Variants in VPS13A observed in about 807,000 individuals in gnomAD.
VPS13A encodes intermembrane lipid transfer protein VPS13A.
A neutral mutation model predicts 390.9 loss-of-function variants in VPS13A; 264 were observed. That is an observed-to-expected ratio of 0.68 (90% CI 0.61 to 0.75). The LOEUF (loss-of-function observed/expected upper bound fraction) is 0.75, where lower values mean the gene tolerates loss of function less well. Among genes scored for constraint, VPS13A ranks in the 30% least tolerant of loss-of-function variants. The probability of loss-of-function intolerance (pLI) is 0.00; values close to 1 mark genes in which losing one functional copy is unlikely to be tolerated. For missense variants in VPS13A, 3,409 were observed against 3,733.9 expected, an observed-to-expected ratio of 0.91 and a Z score of 2.27; for synonymous variants, 1,231 against 1,227.1, an observed-to-expected ratio of 1.00 and a Z score of -0.07.
chr9:77,250,316 T>C lies in VPS13A; in HGVS notation c.2170+87T>C, dbSNP rs547573521. On this transcript the variant is annotated intron_variant, in intron 21 of 71. Transcript: ENST00000360280. ...ACACTTTGAAGACCTTCCTCTTAAA[T>C]GTGTTAGAACGTCTATATTTTTGAA... 438 of 1,459,204 alleles carry C rather than the reference T, an allele frequency of 3.0e-4. 6 individuals are homozygous for C. In the South Asian group the frequency reaches 4.7e-3, roughly 16 times the overall value. The allele number at this position is 1,459,204 out of a possible 1,614,324, so 90.4% of individuals were successfully genotyped here.
rs1431815350 is a variant in VPS13A at position 77,191,350 on chromosome 9, G to A, written c.101-8595G>A. Among the ~76,000 whole-genome samples the A allele has an allele frequency of 1.5e-4, 23 of 149,016 alleles. 1 individual carries two copies. The highest frequency in any genetic ancestry group is 6.8e-3 in the Middle Eastern group (2 of 292). ...GCCCTGTTGCCGAGGCTGAAGTGGAGTGGCATGAACACGGCTCACTGCAGC... is the reference window on the plus strand; with the variant it reads ...GCCCTGTTGCCGAGGCTGAAGTGGAATGGCATGAACACGGCTCACTGCAGC... On this transcript the variant is annotated intron_variant, in intron 1 of 71. Transcript: ENST00000360280.
chr9:77,297,071 T>G (rs1037661546), intron 33 of VPS13A, among the ~76,000 whole-genome samples: 4 of 152,032 alleles, frequency 2.6e-5, no homozygotes, highest in Non-Finnish European at 5.9e-5. Flanking sequence ...TCTTAAGCAG[T>G]TTTTGGTTTT....
chr9:77,202,048 T>G (rs1262403775), intron 3 of VPS13A, among the ~76,000 whole-genome samples: 1 of 152,156 alleles, frequency 6.6e-6, no homozygotes, highest in Non-Finnish European at 1.5e-5. Context: ...TGGAGATATT[T>G]TTGTTATATA....
intron 52 of VPS13A, among the ~76,000 whole-genome samples, chr9:77,345,417 CAG>C (rs1178111611): frequency 6.6e-6 from 1 of 152,100 alleles, no homozygotes; most frequent in Non-Finnish European, 1.5e-5. Flanking sequence ...AGGAGTCTGT[CAG>C]AGTTTGTTAG....
At chr9:77,184,602 G>C (rs1449763768) in intron 1 of VPS13A, among the ~76,000 whole-genome samples, 1 of 152,204 alleles carries the variant, frequency 6.6e-6, no homozygotes, top group Non-Finnish European at 1.5e-5. Flanking sequence ...CTAGGTGACA[G>C]AGCAAGACTC....
intron 23 of VPS13A, among the ~76,000 whole-genome samples, chr9:77,267,562 C>T (rs1422817665): frequency 1.3e-5 from 2 of 152,182 alleles, no homozygotes; most frequent in Non-Finnish European, 2.9e-5. Context: ...GGGGCACATG[C>T]CAGATGCCAG....
chr9:77,211,614 G>A (rs964985594), intron 7 of VPS13A: 4 of 151,744 alleles, frequency 2.6e-5, no homozygotes, highest in Non-Finnish European at 4.4e-5. Flanking sequence ...CCACTGCAAC[G>A]AAAAAAGAAA....
In VPS13A at chr9:77,200,025, C is replaced by A. The variant is rs963255421; in HGVS notation, c.144+37C>A. On this transcript the variant is annotated intron_variant, in intron 2 of 71. Coordinates refer to ENST00000360280, the MANE Select transcript of VPS13A (RefSeq NM_033305.3). ...CTATGAAAAATTTGTAAAGTTATTG[C>A]ATTTAATTATGTATAATTCTTCCTG... is the stretch of plus-strand genomic sequence containing the variant. 5.3e-6 allele frequency: 8 copies of A among 1,504,348 alleles called. No individual in the cohort carries two copies. The African/African-American group carries it at 8.3e-5, about 16-fold the overall frequency. The allele number at this position is 1,504,348 out of a possible 1,614,324, so 93.2% of individuals were successfully genotyped here. A position where few individuals can be genotyped will look rare whatever the true frequency, so the allele number is the denominator to read the frequency against.
At chr9:77,345,386 T>C (rs1373484953) in intron 52 of VPS13A, among the ~76,000 whole-genome samples, 1 of 152,178 alleles carries the variant, frequency 6.6e-6, no homozygotes, top group Non-Finnish European at 1.5e-5. Flanking sequence ...GGCAAAAGCT[T>C]GTTCATTGTT....
intron 45 of VPS13A, among the ~76,000 whole-genome samples, chr9:77,328,435 C>T (rs80080411): frequency 5.4e-4 from 82 of 152,270 alleles, no homozygotes; most frequent in Non-Finnish European, 1.0e-3. Context: ...CTTCATTATC[C>T]CTTTAAGAAG....
chr9:77,178,111 C>T lies in VPS13A; in HGVS notation c.100+307C>T, dbSNP rs958690000. On this transcript the variant is annotated intron_variant, in intron 1 of 71. Coordinates refer to ENST00000360280, the MANE Select transcript of VPS13A (RefSeq NM_033305.3). ...CTGGCGTTCAAGTCCCGGCGAGGGG[C>T]CGTTCTCTACCCCTGGCCCCGCACG... 3 of 354,820 alleles carry T rather than the reference C, an allele frequency of 8.5e-6. No individual in the cohort carries two copies. The East Asian group carries it at 2.3e-4, about 28-fold the overall frequency. The allele number at this position is 354,820 out of a possible 1,614,324, so 22.0% of individuals were successfully genotyped here. A position where few individuals can be genotyped will look rare whatever the true frequency, so the allele number is the denominator to read the frequency against.
Position 77,416,256 on chromosome 9 carries a change from T to G in VPS13A, c.*250T>G, listed in dbSNP as rs1409290942. 2.4e-6 allele frequency: 1 copy of G among 410,560 alleles called. No homozygotes were observed. Among genetic ancestry groups the G allele is most frequent in the Non-Finnish European group, 4.5e-6 (1 of 223,048 alleles). 25.4% of individuals were successfully genotyped at this position (410,560 alleles called of 1,614,324 possible). A position where few individuals can be genotyped will look rare whatever the true frequency, so the allele number is the denominator to read the frequency against. ...TTTCTAAATTGAATCATGCATCTAT[T>G]TATAATTCTAATTATTTTGTAAAAG... On this transcript the variant is annotated 3_prime_UTR_variant, in exon 72 of 72. Transcript: ENST00000360280.
intron 33 of VPS13A, among the ~76,000 whole-genome samples, chr9:77,297,693 G>A (rs1828098284): frequency 6.6e-6 from 1 of 151,592 alleles, no homozygotes; most frequent in African/African-American, 2.4e-5. Flanking sequence ...ATCTATCCCA[G>A]GCATTGTGCT....
Position 77,370,426 on chromosome 9 carries a change from G to A in VPS13A, c.8755G>A (p.Gly2919Ser), listed in dbSNP as rs1832684845. The change falls in exon 65 of 72, where the codon GGT becomes AGT. Residue 2919 changes from glycine to serine, a missense_variant. By Grantham distance (56) the Gly-to-Ser change is moderately conservative. Transcript: ENST00000360280. ...ATAATTTCTGTCAGGTGGATTGGCTGGTGCTGCCTCCAAAATCACCGGTGC... is the reference window on the plus strand; with the variant it reads ...ATAATTTCTGTCAGGTGGATTGGCTAGTGCTGCCTCCAAAATCACCGGTGC... Reference protein sequence around the residue: ...LVGGAVGGLAGAASKITGAMA... With the variant: ...LVGGAVGGLASAASKITGAMA... 2 of 1,614,032 alleles carry A rather than the reference G, an allele frequency of 1.2e-6. No individual in the cohort carries two copies. The highest frequency in any genetic ancestry group is 2.7e-5 in the African/African-American group (2 of 74,930).
chr9:77,394,728 T>C (rs113346504), intron 68 of VPS13A, among the ~76,000 whole-genome samples: 2 of 152,186 alleles, frequency 1.3e-5, no homozygotes, highest in Non-Finnish European at 2.9e-5. Context: ...TCAGTGATCT[T>C]AGCTAGATCT....
At chr9:77,411,677 A>AAAAAAAAAG (rs1564001627) in intron 71 of VPS13A, among the ~76,000 whole-genome samples, 3 of 148,074 alleles carry the variant, frequency 2.0e-5, no homozygotes, top group Non-Finnish European at 4.5e-5. Flanking sequence ...AAAAAAAAAA[A>AAAAAAAAAG]AAAAAAAAGG....
rs547916714 is a variant in VPS13A, at chr9:77,193,559, G to A, written c.101-6386G>A. ...TGAGGCAGGAGAATCACTTGAACCC[G>A]GAAGGTGGAGGTTGCAGTGAGCCGA... On this transcript the variant is annotated intron_variant, in intron 1 of 71. Transcript: ENST00000360280. Among the ~76,000 whole-genome samples the A allele has an allele frequency of 9.9e-5, 15 of 152,222 alleles. No homozygotes were observed. The South Asian group carries it at 1.9e-3, about 19-fold the overall frequency.
intron 18 of VPS13A, 27 bp downstream of exon 18, chr9:77,238,218 T>C: frequency 6.2e-7 from 1 of 1,607,814 alleles, no homozygotes; most frequent in Non-Finnish European, 8.5e-7. Context: ...ATTACTAAGT[T>C]TTAATATAAT....
chr9:77,399,199 A>T (rs1563990911), intron 68 of VPS13A, among the ~76,000 whole-genome samples: 1 of 110,288 alleles, frequency 9.1e-6, no homozygotes, highest in Non-Finnish European at 1.9e-5. Flanking sequence ...AAAAAAAAAA[A>T]AAAAAACAAA....
Sources: allele counts gnomAD v4.1 joint callset (sites outside exome capture counted in the v4.1 genomes callset), GRCh38; gene constraint gnomAD v4.1.1; transcripts MANE v1.5; gene names NCBI Gene and HGNC (gene_info 2026-07-23, HGNC 2026-07-21).